Variants in CPSF6 observed in about 807,000 individuals in gnomAD.
The protein encoded by CPSF6 is cleavage and polyadenylation specificity factor subunit 6.
A neutral mutation model predicts 56.7 loss-of-function variants in CPSF6; 10 were observed. That is an observed-to-expected ratio of 0.18 (90% CI 0.11 to 0.30). CPSF6 has a LOEUF of 0.30. Among genes scored for constraint, CPSF6 ranks in the 10% least tolerant of loss-of-function variants. The pLI, the probability that CPSF6 is intolerant of heterozygous loss-of-function variation, is 1.00. For synonymous variants in CPSF6, 248 were observed against 244.8 expected (o/e 1.01, Z -0.12); for missense variants, 419 against 722.9 (o/e 0.58, Z 4.82).
chr12:69,240,709 T>A (rs1394307299), intron 1 of CPSF6, among the ~76,000 whole-genome samples: 1 of 103,554 alleles, frequency 9.7e-6, no homozygotes, highest in East Asian at 3.1e-4. Flanking sequence ...CCGGGCCCCG[T>A]GTTACCTTTT....
chr12:69,239,743 C>T, intron 1 of CPSF6, 37 bp downstream of exon 1: 3 of 1,550,526 alleles, frequency 1.9e-6, no homozygotes, highest in African/African-American at 1.4e-5. Flanking sequence ...CCGACGCGGG[C>T]GGCGCTGCGG....
intron 1 of CPSF6, among the ~76,000 whole-genome samples, chr12:69,243,478 A>T (rs1351823806): frequency 1.3e-5 from 2 of 152,230 alleles, no homozygotes; most frequent in Non-Finnish European, 2.9e-5. Flanking sequence ...ACAGCCTACT[A>T]CACATGTAGG....
Position 69,262,569 on chromosome 12 carries a change from A to C in CPSF6, c.*3+7A>C, listed in dbSNP as rs1322347313. The stretch of plus-strand genomic sequence containing the variant: ...ATATCGTCATCGTTAGAAGGTGGGT[A>C]TTCCTTGTTCCCTGTTAAATGTGTG... On this transcript the variant is annotated splice_region_variant and intron_variant, in intron 9 of 9. Coordinates refer to ENST00000435070, the MANE Select transcript of CPSF6 (RefSeq NM_007007.3). The C allele has an allele frequency of 1.9e-6, 3 of 1,604,990 alleles. No individual in the cohort carries two copies. The highest frequency in any genetic ancestry group is 2.6e-6 in the Non-Finnish European group (3 of 1,174,924).
intron 1 of CPSF6, among the ~76,000 whole-genome samples, chr12:69,250,517 G>A (rs1277437680): frequency 6.7e-6 from 1 of 149,412 alleles, no homozygotes; most frequent in Admixed American, 6.7e-5. Context: ...TATTTGGGAG[G>A]CCGAGGCAGG....
Position 69,258,066 on chromosome 12 carries a change from T to C in CPSF6, c.694+161T>C. 1 of 1,537,742 alleles carries C rather than the reference T, an allele frequency of 6.5e-7. No individual in the cohort carries two copies. The stretch of plus-strand genomic sequence containing the variant: ...TGATCAAGCATCTTGTTAAAGGAAC[T>C]CGGCCTTTGTTCCTGGAAACTAGGA... On this transcript the variant is annotated intron_variant, in intron 5 of 9. Transcript: ENST00000435070. The surrounding 1 kb of genome is among the most constrained non-coding windows in gnomAD (Gnocchi z 4.2).
intron 8 of CPSF6, among the ~76,000 whole-genome samples, chr12:69,261,074 A>T (rs926035856): frequency 6.6e-6 from 1 of 151,998 alleles, no homozygotes; most frequent in African/African-American, 2.4e-5. Context: ...TTGAAATTTT[A>T]TATATTTTTG....
chr12:69,251,628 C>G (rs1171366107), intron 2 of CPSF6, among the ~76,000 whole-genome samples: 1 of 152,154 alleles, frequency 6.6e-6, no homozygotes. Context: ...CTTTACCTTG[C>G]TTCCGATAGC....
In CPSF6 at chr12:69,271,655, C is replaced by T. The variant is rs557797660; in HGVS notation, c.*2147C>T. On this transcript the variant is annotated 3_prime_UTR_variant, in exon 10 of 10. Coordinates refer to ENST00000435070, the MANE Select transcript of CPSF6 (RefSeq NM_007007.3). ...GTACTAGATTTGTTTGCTGCTAATC[C>T]GTTATTTTAAGTGTTGTCAGAAGGA... 4 of 151,706 alleles carry T rather than the reference C, an allele frequency of 2.6e-5. No homozygotes were observed. Among genetic ancestry groups the T allele is most frequent in the South Asian group, 4.1e-4 (2 of 4,822 alleles). The allele number at this position is 151,706 out of a possible 1,614,324, so 9.4% of individuals were successfully genotyped here.
At position 69,253,160 on chromosome 12, in the gene CPSF6, T is replaced by C. The variant is rs531158255; in HGVS notation, c.374+6T>C. 2.9e-6 allele frequency: 4 copies of C among 1,375,662 alleles called. No individual in the cohort carries two copies. Among genetic ancestry groups the C allele is most frequent in the Non-Finnish European group, 4.0e-6 (4 of 995,982 alleles). 85.2% of individuals were successfully genotyped at this position (1,375,662 alleles called of 1,614,324 possible). On this transcript the variant is annotated splice_donor_region_variant and intron_variant, in intron 3 of 9. Transcript: ENST00000435070. ...GCAAATGGCCAGTCAAAGGGGTAAG[T>C]TTTTTTTTTCTTTCTTTTTGATTTA...
chr12:69,262,261 A>C, intron 8 of CPSF6, 112 bp from the exon 9 acceptor site: 2 of 1,341,220 alleles, frequency 1.5e-6, no homozygotes, highest in Non-Finnish European at 2.0e-6. Context: ...GTAAGTTTAA[A>C]CCAGATTTAC....
intron 1 of CPSF6, among the ~76,000 whole-genome samples, chr12:69,249,168 G>GGTC: frequency 5.9e-5 from 2 of 33,910 alleles, no homozygotes; most frequent in East Asian, 8.5e-4. Flanking sequence ...GGGGGGGGGG[G>GGTC]GCTGAGGCAG....
Position 69,239,704 on chromosome 12 carries a change from C to A in CPSF6, c.58C>A (p.Gln20Lys). Residue 20 changes from glutamine (Q) to lysine (K), a missense_variant and splice_region_variant, in exon 1 of 10, where the codon CAG becomes AAG. Around this residue, in one of 4 missense-constraint regions of CPSF6, gnomAD observed 125 missense variants for 216.4 expected, o/e 0.58. Transcript: ENST00000435070. ...IYADVGEEFN[Q>K]EAEYGGHDQI... Reference sequence around the variant, plus strand: ...CGCGGATGTCGGCGAAGAGTTCAACCAGGTACGTGAGAGCCCAGGTCCCCG... The same window carrying A: ...CGCGGATGTCGGCGAAGAGTTCAACAAGGTACGTGAGAGCCCAGGTCCCCG... 6.3e-7 allele frequency: 1 copy of A among 1,585,628 alleles called. No individual in the cohort carries two copies. The highest frequency in any genetic ancestry group is 8.6e-7 in the Non-Finnish European group (1 of 1,166,980).
intron 2 of CPSF6, chr12:69,252,221 G>T (rs565079585): frequency 2.5e-4 from 95 of 373,150 alleles, no homozygotes; most frequent in Admixed American, 4.2e-4. Flanking sequence ...CCACAGGCAT[G>T]TGTCACTCTG....
rs1018127252 is a variant in CPSF6 at position 69,258,591 on chromosome 12, T to C, written c.696T>C (p.Ala232=). The change falls in exon 6 of 10, where the codon GCT becomes GCC. Residue 232 remains alanine, a splice_region_variant and synonymous_variant. Transcript: ENST00000435070. The surrounding 1 kb of genome is among the most constrained non-coding windows in gnomAD (Gnocchi z 4.2). ...GPGGPPPPFP[A]GQTPPRPPLG... is the part of the protein sequence containing the mutation. ...CTCTCTTTCTCCTTTGTTTTTTAGCTGGACAGACTCCACCACGTCCACCCT... is the reference window on the plus strand; with the variant it reads ...CTCTCTTTCTCCTTTGTTTTTTAGCCGGACAGACTCCACCACGTCCACCCT... The C allele has an allele frequency of 6.3e-7, 1 of 1,581,676 alleles. No homozygotes were observed. The highest frequency in any genetic ancestry group is 2.2e-5 in the East Asian group (1 of 44,616).
intron 1 of CPSF6, among the ~76,000 whole-genome samples, chr12:69,249,627 A>G (rs1439936036): frequency 6.6e-6 from 1 of 152,246 alleles, no homozygotes; most frequent in Non-Finnish European, 1.5e-5. Context: ...TCACACCAAT[A>G]CAAGTACTTA....
At position 69,270,239 on chromosome 12, in the gene CPSF6, A is replaced by G. The variant is rs1300814912; in HGVS notation, c.*731A>G. ...TTAGCTTGTGACTTTGCTGAATGGT[A>G]TGTAAACTTGTAAAAATAGAGATTT... On this transcript the variant is annotated 3_prime_UTR_variant, in exon 10 of 10. Coordinates refer to ENST00000435070, the MANE Select transcript of CPSF6 (RefSeq NM_007007.3). 3.9e-5 allele frequency: 6 copies of G among 152,246 alleles called. No homozygotes were observed. The East Asian group carries it at 1.2e-3, about 29-fold the overall frequency. 9.4% of individuals were successfully genotyped at this position (152,246 alleles called of 1,614,324 possible).
intron 1 of CPSF6, among the ~76,000 whole-genome samples, chr12:69,250,590 C>CAAAAAA (rs61337613): frequency 4.1e-5 from 2 of 48,828 alleles, no homozygotes; most frequent in Non-Finnish European, 5.3e-5. Flanking sequence ...CTGGTCTCTA[C>CAAAAAA]AAAAAAAAAA....
At chr12:69,244,735 C>T (rs1376314722) in intron 1 of CPSF6, among the ~76,000 whole-genome samples, 2 of 151,330 alleles carry the variant, frequency 1.3e-5, no homozygotes, top group Admixed American at 6.6e-5. Context: ...AAGATATACA[C>T]ACATTAACCT....
Position 69,249,152 on chromosome 12 carries a change from C to CGGTGGGGGG in CPSF6, c.61-1975_61-1974insTGGGGGGGG, listed in dbSNP as rs1491257320. 2.2e-3 allele frequency among the ~76,000 whole-genome samples: 36 copies of CGGTGGGGGG among 16,564 alleles called. 6 individuals are homozygous for CGGTGGGGGG. The highest frequency in any genetic ancestry group is 0.031 in the Middle Eastern group (1 of 32). 10.9% of individuals were successfully genotyped at this position (16,564 alleles called of 152,430 possible). ...GCGGGCGCCTGTAGTCCCAGCTACT[C>CGGTGGGGGG]GGGGGGGGGGGGGGGGGCTGAGGCA... On this transcript the variant is annotated intron_variant, in intron 1 of 9. Coordinates refer to ENST00000435070, the MANE Select transcript of CPSF6 (RefSeq NM_007007.3).
Sources: allele counts gnomAD v4.1 joint callset (sites outside exome capture counted in the v4.1 genomes callset), GRCh38; gene constraint gnomAD v4.1.1; regional missense constraint gnomAD v4.1.1; non-coding constraint Gnocchi (gnomAD v3.1); transcripts MANE v1.5; gene names NCBI Gene and HGNC (gene_info 2026-07-23, HGNC 2026-07-21).